The following H2AZ2 variants were observed in gnomAD, a reference collection of about 807,000 sequenced individuals.
The protein encoded by H2AZ2 is H2A.Z variant histone 2.
A neutral mutation model predicts 15.5 loss-of-function variants in H2AZ2; 5 were observed. That is an observed-to-expected ratio of 0.32 (90% CI 0.17 to 0.68). The LOEUF is 0.68. Among genes scored for constraint, H2AZ2 ranks in the 30% least tolerant of loss-of-function variants. The probability of loss-of-function intolerance (pLI) is 0.72; values close to 1 mark genes in which losing one functional copy is unlikely to be tolerated. For missense variants in H2AZ2, 42 were observed against 162.5 expected (o/e 0.26, Z 4.03); for synonymous variants, 44 against 57.4 (o/e 0.77, Z 1.05).
downstream of H2AZ2, among the ~76,000 whole-genome samples, chr7:44,831,196 A>G (rs1792993713): frequency 6.6e-6 from 1 of 152,068 alleles, no homozygotes; most frequent in Non-Finnish European, 1.5e-5. Flanking sequence ...AAACATAAAA[A>G]AGCTATCTTT....
At position 44,848,058 on chromosome 7, in the gene H2AZ2, C is replaced by T; in HGVS notation, c.-87G>A. The T allele has an allele frequency of 1.2e-6, 1 of 825,068 alleles. No homozygotes were observed. Among genetic ancestry groups the T allele is most frequent in the Non-Finnish European group, 1.6e-6 (1 of 619,870 alleles). 51.1% of individuals were successfully genotyped at this position (825,068 alleles called of 1,614,324 possible). A position where few individuals can be genotyped will look rare whatever the true frequency, so the allele number is the denominator to read the frequency against. ...CCGCCGCCGCTCTCGCAGCACCGAC[C>T]GCCGCCGCCGGAGCCGGACAATACC... On this transcript the variant is annotated 5_prime_UTR_variant, in exon 1 of 5. Coordinates refer to ENST00000308153, the MANE Select transcript of H2AZ2 (RefSeq NM_012412.5).
chr7:44,841,287 T>C (rs1245307550), intron 2 of H2AZ2, among the ~76,000 whole-genome samples: 4 of 152,162 alleles, frequency 2.6e-5, no homozygotes, highest in Non-Finnish European at 4.4e-5. Context: ...ACATGACCCA[T>C]GGATCAAATT....
At position 44,847,832 on chromosome 7, in the gene H2AZ2, C is replaced by A. The variant is rs147948728; in HGVS notation, c.3+137G>T. The A allele has an allele frequency of 3.9e-5, 48 of 1,215,686 alleles. No individual in the cohort carries two copies. The Middle Eastern group carries it at 8.0e-4, about 20-fold the overall frequency. The allele number at this position is 1,215,686 out of a possible 1,614,324, so 75.3% of individuals were successfully genotyped here. On this transcript the variant is annotated intron_variant, in intron 1 of 4. Transcript: ENST00000308153. ...GCAGCTGGGACATGGCGCCCCCCGG[C>A]GGGCGGCGAGGGGCTCGGCCGGACG...
At chr7:44,848,096 C>T (rs915455464), upstream of H2AZ2, 6 of 499,856 alleles carry the variant, frequency 1.2e-5, no homozygotes, top group South Asian at 3.3e-4. Flanking sequence ...GTGCCCGCCT[C>T]GCGCTGCTGT....
At chr7:44,836,436 A>G (rs1016008479) in intron 3 of H2AZ2, among the ~76,000 whole-genome samples, 1 of 152,270 alleles carries the variant, frequency 6.6e-6, no homozygotes, top group African/African-American at 2.4e-5. Context: ...CTTGGCCTCA[A>G]GTGATCTTCC....
intron 1 of H2AZ2, 45 bp downstream of exon 1, chr7:44,847,924 T>C (rs1562790997): frequency 1.3e-6 from 2 of 1,530,748 alleles, no homozygotes; most frequent in Non-Finnish European, 1.7e-6. Context: ...CTCCGCGCTC[T>C]GCTCTCCCAG....
intron 1 of H2AZ2, among the ~76,000 whole-genome samples, chr7:44,846,068 G>C (rs140599136): frequency 3.6e-3 from 473 of 133,052 alleles, no homozygotes; most frequent in African/African-American, 8.9e-3. Context: ...CACACAGAGA[G>C]AGACAGAGAG....
chr7:44,830,030 T>C (rs1226808025), downstream of H2AZ2: 3 of 904,680 alleles, frequency 3.3e-6, no homozygotes, highest in African/African-American at 1.7e-5. Context: ...CAAATGTCCT[T>C]GTTCAGCACA....
rs533195061 is a variant in H2AZ2, at chr7:44,842,357, T to C, written c.81+920A>G. Among the ~76,000 whole-genome samples, 5 of 152,324 alleles carry C rather than the reference T, an allele frequency of 3.3e-5. 1 individual carries two copies. Among genetic ancestry groups the C allele is most frequent in the Admixed American group, 3.3e-4 (5 of 15,298 alleles). ...TACATAAATGATCTCAAATTCCTAA[T>C]TCTATCACCTCTATTAGAAAGCTGA... On this transcript the variant is annotated intron_variant, in intron 2 of 4. Coordinates refer to ENST00000308153, the MANE Select transcript of H2AZ2 (RefSeq NM_012412.5).
intron 2 of H2AZ2, among the ~76,000 whole-genome samples, chr7:44,842,481 C>A (rs1184030919): frequency 6.6e-6 from 1 of 152,174 alleles, no homozygotes; most frequent in Admixed American, 6.5e-5. Context: ...CTACTACAAA[C>A]TCCTCTGTTC....
rs1164714470 is a variant in H2AZ2 at position 44,833,390 on chromosome 7, A to G, written c.*1111T>C. Among the ~76,000 whole-genome samples the G allele has an allele frequency of 2.0e-5, 3 of 151,774 alleles. No homozygotes were observed. Among genetic ancestry groups the G allele is most frequent in the East Asian group, 1.9e-4 (1 of 5,172 alleles). Reference sequence around the variant, plus strand: ...TGGGACTACAGGCGCGTGCCACCACACCCGGCTAATTTTTTGTATTTTTTT... The same window carrying G: ...TGGGACTACAGGCGCGTGCCACCACGCCCGGCTAATTTTTTGTATTTTTTT... On this transcript the variant is annotated 3_prime_UTR_variant, in exon 5 of 5. Coordinates refer to ENST00000308153, the MANE Select transcript of H2AZ2 (RefSeq NM_012412.5).
intron 4 of H2AZ2, chr7:44,835,290 T>C (rs749467019): frequency 9.2e-6 from 4 of 433,354 alleles, no homozygotes; most frequent in Non-Finnish European, 1.6e-5. Flanking sequence ...AGGCTTTAAG[T>C]ATCATATGAA....
At chr7:44,839,386 T>A (rs1415089757) in intron 3 of H2AZ2, among the ~76,000 whole-genome samples, 2 of 151,514 alleles carry the variant, frequency 1.3e-5, no homozygotes, top group Non-Finnish European at 2.9e-5. Flanking sequence ...CACAAAAAAA[T>A]AAAAAATAGG....
At position 44,843,270 on chromosome 7, in the gene H2AZ2, T is replaced by C. The variant is rs751593237; in HGVS notation, c.81+7A>G. 1 of 1,583,858 alleles carries C rather than the reference T, an allele frequency of 6.3e-7. No individual in the cohort carries two copies. The highest frequency in any genetic ancestry group is 1.1e-5 in the South Asian group (1 of 87,316). On this transcript the variant is annotated splice_region_variant and intron_variant, in intron 2 of 4. Transcript: ENST00000308153. The stretch of plus-strand genomic sequence containing the variant: ...ATAATAATGTAATGACAGCATGGAT[T>C]CATTACCTGTAGCCCAGCTCTCTGT...
downstream of H2AZ2, chr7:44,830,256 C>G: frequency 5.6e-6 from 7 of 1,238,984 alleles, no homozygotes; most frequent in South Asian, 5.1e-5. Context: ...GGATAAAATA[C>G]AAGTAAAATG....
intron 3 of H2AZ2, among the ~76,000 whole-genome samples, chr7:44,837,433 G>GAAAAAAAAAA (rs71011996): frequency 1.1e-5 from 1 of 87,270 alleles, no homozygotes; most frequent in Non-Finnish European, 2.1e-5. Context: ...AAAAAAAAAA[G>GAAAAAAAAAA]AAAAAAAAAA....
chr7:44,837,835 G>T (rs945745896), intron 3 of H2AZ2, among the ~76,000 whole-genome samples: 2 of 78,356 alleles, frequency 2.6e-5, no homozygotes, highest in Non-Finnish European at 4.3e-5. Flanking sequence ...AAAAAAAGGG[G>T]GGGGGGGCTT....
chr7:44,848,071 G>T lies in H2AZ2; in HGVS notation c.-100C>A. 3.0e-6 allele frequency: 2 copies of T among 677,346 alleles called. No individual in the cohort carries two copies. The highest frequency in any genetic ancestry group is 4.1e-6 in the Non-Finnish European group (2 of 486,488). 42.0% of individuals were successfully genotyped at this position (677,346 alleles called of 1,614,324 possible). A position where few individuals can be genotyped will look rare whatever the true frequency, so the allele number is the denominator to read the frequency against. ...CGCAGCACCGACCGCCGCCGCCGGA[G>T]CCGGACAATACCCCGTGCCCGCCTC... On this transcript the variant is annotated 5_prime_UTR_variant, in exon 1 of 5. Coordinates refer to ENST00000308153, the MANE Select transcript of H2AZ2 (RefSeq NM_012412.5).
chr7:44,843,011 C>A (rs940294551), intron 2 of H2AZ2, among the ~76,000 whole-genome samples: 1 of 151,420 alleles, frequency 6.6e-6, no homozygotes. Flanking sequence ...TGGTGGCGCA[C>A]GCCTGCAGTC....
Sources: allele counts gnomAD v4.1 joint callset (sites outside exome capture counted in the v4.1 genomes callset), GRCh38; gene constraint gnomAD v4.1.1; transcripts MANE v1.5; gene names NCBI Gene and HGNC (gene_info 2026-07-23, HGNC 2026-07-21).